SIPA1L3: variants seen among roughly 807,000 people sequenced by gnomAD.
SIPA1L3 encodes signal induced proliferation associated 1 like 3, also known as signal-induced proliferation-associated 1-like protein 3.
SIPA1L3 carries 59 observed loss-of-function variants against 150.1 expected under a neutral mutation model. That is an observed-to-expected ratio of 0.39 (90% CI 0.32 to 0.49). The LOEUF (loss-of-function observed/expected upper bound fraction) is 0.49, where lower values mean the gene tolerates loss of function less well. Ranked by LOEUF, SIPA1L3 falls within the 20% of genes least tolerant of loss-of-function variation. The pLI is 0.86. For missense variants in SIPA1L3, 2,211 were observed against 2,489.5 expected (o/e 0.89, Z 2.38); for synonymous variants, 1,070 against 1,077.6 (o/e 0.99, Z 0.14).
At chr19:38,023,681 A>C (rs1968430359) in intron 1 of SIPA1L3, among the ~76,000 whole-genome samples, 1 of 152,208 alleles carries the variant, frequency 6.6e-6, no homozygotes, top group African/African-American at 2.4e-5. Context: ...AGGAGAGCGA[A>C]GCTTACAGCA....
At chr19:38,095,450 G>C (rs1042869422) in intron 4 of SIPA1L3, among the ~76,000 whole-genome samples, 2 of 152,214 alleles carry the variant, frequency 1.3e-5, no homozygotes, top group African/African-American at 4.8e-5. Context: ...CAAGCGGGGA[G>C]TACGTCTGAG....
chr19:38,103,045 C>A (rs1003373183), intron 6 of SIPA1L3, among the ~76,000 whole-genome samples: 1 of 151,482 alleles, frequency 6.6e-6, no homozygotes, highest in East Asian at 1.9e-4. Flanking sequence ...ATCGCTTGAA[C>A]CCGGGAGGCA....
Position 38,105,109 on chromosome 19 carries a change from G to A in SIPA1L3, c.2030-1428G>A, listed in dbSNP as rs191072071. 8.6e-4 allele frequency among the ~76,000 whole-genome samples: 130 copies of A among 152,038 alleles called. 3 individuals are homozygous for A. In the East Asian group the frequency reaches 0.018, roughly 21 times the overall value. ...ACAGTGGCTCACGCCTGTAATCCCA[G>A]CACTTTGGGAGGCTGAGGCAGGTGG... On this transcript the variant is annotated intron_variant, in intron 6 of 21. Transcript: ENST00000222345.
chr19:38,010,381 C>G (rs1485465267), intron 1 of SIPA1L3, among the ~76,000 whole-genome samples: 1 of 150,468 alleles, frequency 6.6e-6, no homozygotes, highest in African/African-American at 2.5e-5. Context: ...GCACTCCAAC[C>G]AAGGTGACAG....
intron 2 of SIPA1L3, among the ~76,000 whole-genome samples, chr19:38,059,750 C>T (rs1007270571): frequency 6.6e-6 from 1 of 152,054 alleles, no homozygotes. Flanking sequence ...GCCTGGAACC[C>T]CCATGGGCTC....
At chr19:38,182,074 G>A (rs1189194456) in intron 15 of SIPA1L3, among the ~76,000 whole-genome samples, 1 of 150,098 alleles carries the variant, frequency 6.7e-6, no homozygotes, top group African/African-American at 2.5e-5. Context: ...CTGGGAGGTC[G>A]AGCCTGCAGT....
intron 8 of SIPA1L3, among the ~76,000 whole-genome samples, chr19:38,117,567 C>T (rs371496820): frequency 5.3e-5 from 8 of 151,364 alleles, no homozygotes; most frequent in African/African-American, 1.7e-4. Flanking sequence ...TGTGGTGAGC[C>T]GAGATTGTGC....
At chr19:38,009,220 A>G (rs750787122) in intron 1 of SIPA1L3, among the ~76,000 whole-genome samples, 1 of 151,918 alleles carries the variant, frequency 6.6e-6, no homozygotes, top group Non-Finnish European at 1.5e-5. Flanking sequence ...GGGTTTCACC[A>G]CGTTGGTCAG....
rs183392233 is a variant in SIPA1L3 at position 38,167,078 on chromosome 19, C to G, written c.4208+2172C>G. On this transcript the variant is annotated intron_variant, in intron 15 of 21. Transcript: ENST00000222345. ...TGAAACCCCATCTCTACTGAAAATA[C>G]AAAAATTAGCTGGGCGTGGTGGTGG... Among the ~76,000 whole-genome samples the G allele has an allele frequency of 4.6e-5, 7 of 151,914 alleles. No homozygotes were observed. The East Asian group carries it at 1.4e-3, about 29-fold the overall frequency.
intron 2 of SIPA1L3, among the ~76,000 whole-genome samples, chr19:38,067,483 C>T (rs1969621905): frequency 6.6e-6 from 1 of 151,828 alleles, no homozygotes; most frequent in African/African-American, 2.4e-5. Flanking sequence ...CAATCCTCAG[C>T]CGGGCGTGGT....
At chr19:38,113,599 ACT>A (rs1970816156) in intron 8 of SIPA1L3, among the ~76,000 whole-genome samples, 1 of 150,292 alleles carries the variant, frequency 6.7e-6, no homozygotes, top group East Asian at 2.0e-4. Flanking sequence ...ACAGAGCAAG[ACT>A]CTCTCAAAAA....
rs950294722 is a variant in SIPA1L3, at chr19:38,206,477, G to A, written c.*237G>A. On this transcript the variant is annotated 3_prime_UTR_variant, in exon 22 of 22. Transcript: ENST00000222345. ...GCCTCCCTCCAAGCTGCCCAGCTGT[G>A]GTCCCGGTGAGCTGGGCTGTGCTTA... 2 of 489,450 alleles carry A rather than the reference G, an allele frequency of 4.1e-6. No individual in the cohort carries two copies. Among genetic ancestry groups the A allele is most frequent in the African/African-American group, 2.0e-5 (1 of 50,132 alleles). The allele number at this position is 489,450 out of a possible 1,614,324, so 30.3% of individuals were successfully genotyped here.
rs542151539 is a variant in SIPA1L3, at chr19:38,081,579, G to A, written c.14G>A (p.Arg5Gln). The change falls in exon 3 of 22, where the codon CGG becomes CAG. Residue 5 changes from arginine (R) to glutamine (Q), a missense_variant. Arg to Gln is a conservative substitution (Grantham distance 43). Coordinates refer to ENST00000222345, the MANE Select transcript of SIPA1L3 (RefSeq NM_015073.3). MTTYRAIPSDGVDLA... is the reference protein window; with the variant it reads MTTYQAIPSDGVDLA... ...TGCCCGTGGACTATGACCACCTATCGGGCCATCCCCAGCGATGGTGTGGAC... is the reference window on the plus strand; with the variant it reads ...TGCCCGTGGACTATGACCACCTATCAGGCCATCCCCAGCGATGGTGTGGAC... 54 of 1,588,044 alleles carry A rather than the reference G, an allele frequency of 3.4e-5. No individual in the cohort carries two copies. Among genetic ancestry groups the A allele is most frequent in the Non-Finnish European group, 4.0e-5 (47 of 1,163,458 alleles).
At chr19:38,090,510 A>C (rs192350346) in intron 4 of SIPA1L3, among the ~76,000 whole-genome samples, 22 of 152,296 alleles carry the variant, frequency 1.4e-4, no homozygotes, top group Admixed American at 1.3e-3. Flanking sequence ...TGTGATTGAC[A>C]GTTCCACCAG....
rs545670843 is a variant in SIPA1L3 at position 38,166,455 on chromosome 19, CAAA to C, written c.4208+1561_4208+1563del. ...CAGGCGACAGAGCAAGACTCTGTCT[CAAA>C]AAAAAAAAAAAGAAAAGAAAAGAAA... On this transcript the variant is annotated intron_variant, in intron 15 of 21. Coordinates refer to ENST00000222345, the MANE Select transcript of SIPA1L3 (RefSeq NM_015073.3). Among the ~76,000 whole-genome samples the C allele has an allele frequency of 3.1e-3, 320 of 104,032 alleles. 2 individuals carry two copies. Among genetic ancestry groups the C allele is most frequent in the Middle Eastern group, 5.6e-3 (1 of 180 alleles). The allele number at this position is 104,032 out of a possible 152,430, so 68.2% of individuals were successfully genotyped here.
intron 16 of SIPA1L3, among the ~76,000 whole-genome samples, chr19:38,183,177 G>C (rs930825761): frequency 6.6e-6 from 1 of 152,174 alleles, no homozygotes; most frequent in Non-Finnish European, 1.5e-5. Context: ...TGAGGGCCAC[G>C]TGGAAGGGAC....
chr19:38,164,587 G>A lies in SIPA1L3; in HGVS notation c.3889G>A (p.Glu1297Lys). ...WFDPLDPLEP[E>K]QDPLSKGGSS... ...CGACCCCCTGGACCCCCTGGAGCCA[G>A]AGCAAGACCCCCTCTCCAAGGGTGG... Residue 1297 changes from glutamate (E) to lysine (K), a missense_variant, in exon 15 of 22, where the codon GAG (glutamate) becomes AAG (lysine). Physicochemically the swap from Glu to Lys is moderately conservative, Grantham distance 56 (BLOSUM62 1). Around this residue, in one of 5 missense-constraint regions of SIPA1L3, gnomAD observed 806 missense variants for 870.1 expected, o/e 0.93. Coordinates refer to ENST00000222345, the MANE Select transcript of SIPA1L3 (RefSeq NM_015073.3). This position sits in a 1 kb window ranked among gnomAD's most constrained non-coding sequence, Gnocchi z 4.1. The A allele has an allele frequency of 1.9e-6, 3 of 1,614,120 alleles. No individual in the cohort carries two copies. Among genetic ancestry groups the A allele is most frequent in the Non-Finnish European group, 2.5e-6 (3 of 1,180,002 alleles).
Position 38,082,551 on chromosome 19 carries a change from A to C in SIPA1L3, c.986A>C (p.Glu329Ala). ...GCCGACGAGGGCCGGAGCCCCCCGG[A>C]AGCCAGCAGGCCGTGGGTGTGTCAG... ...GEADEGRSPP[E>A]ASRPWVCQKS... Residue 329 changes from glutamate to alanine, a missense_variant, in exon 3 of 22, where the codon GAA becomes GCA. By Grantham distance (107) the Glu-to-Ala change is moderately radical. Transcript: ENST00000222345. 1.2e-6 allele frequency: 2 copies of C among 1,601,952 alleles called. No individual in the cohort carries two copies. Among genetic ancestry groups the C allele is most frequent in the Admixed American group, 1.7e-5 (1 of 59,810 alleles).
At position 37,956,775 on chromosome 19, in the gene SIPA1L3, C is replaced by T. The variant is rs1386191253; in HGVS notation, c.-379+49417C>T. Among the ~76,000 whole-genome samples the T allele has an allele frequency of 5.3e-5, 8 of 152,132 alleles. No homozygotes were observed. In the East Asian group the frequency reaches 7.7e-4, roughly 15 times the overall value. On this transcript the variant is annotated intron_variant, in intron 1 of 21. Coordinates refer to ENST00000222345, the MANE Select transcript of SIPA1L3 (RefSeq NM_015073.3). ...TTGGGATTACAGGTGTGAGCCACCA[C>T]GCCCACCCTAATATAAAAGTTTTTA...
Sources: allele counts gnomAD v4.1 joint callset (sites outside exome capture counted in the v4.1 genomes callset), GRCh38; gene constraint gnomAD v4.1.1; regional missense constraint gnomAD v4.1.1; non-coding constraint Gnocchi (gnomAD v3.1); transcripts MANE v1.5; gene names NCBI Gene and HGNC (gene_info 2026-07-23, HGNC 2026-07-21).